The following FILIP1 variants were observed in gnomAD, a reference collection of about 807,000 sequenced individuals.
The protein encoded by FILIP1 is filamin A interacting protein 1.
FILIP1 carries 61 observed loss-of-function variants against 102.1 expected under a neutral mutation model. That is an observed-to-expected ratio of 0.60 (90% CI 0.49 to 0.74). The LOEUF (loss-of-function observed/expected upper bound fraction) is 0.74. FILIP1 is among the 30% of genes least tolerant of loss of function. FILIP1 has a pLI of 0.00. For missense variants in FILIP1, 1,314 were observed against 1,441.2 expected (o/e 0.91, Z 1.43); for synonymous variants, 491 against 526.9 (o/e 0.93, Z 0.93).
chr6:75,325,881 A>G (rs1015895296), intron 4 of FILIP1, among the ~76,000 whole-genome samples: 2 of 152,232 alleles, frequency 1.3e-5, no homozygotes, highest in Non-Finnish European at 2.9e-5. Flanking sequence ...TAGAACCACC[A>G]TTTGATCCAG....
chr6:75,414,213 A>T (rs1254605145), intron 2 of FILIP1, among the ~76,000 whole-genome samples: 1 of 151,796 alleles, frequency 6.6e-6, no homozygotes, highest in Non-Finnish European at 1.5e-5. Context: ...AGTTAAAAAA[A>T]GAGAGAAAAG....
chr6:75,349,604 CA>C (rs1774717481), intron 4 of FILIP1, among the ~76,000 whole-genome samples: 2 of 152,264 alleles, frequency 1.3e-5, no homozygotes, highest in South Asian at 4.1e-4. Flanking sequence ...GAGTGCAAAA[CA>C]AAAAGCATGT....
intron 1 of FILIP1, among the ~76,000 whole-genome samples, chr6:75,445,723 A>G (rs1189808636): frequency 6.6e-6 from 1 of 151,318 alleles, no homozygotes; most frequent in East Asian, 1.9e-4. Context: ...TCTATAGTCT[A>G]TATATTTGTA....
At chr6:75,362,653 G>T in intron 3 of FILIP1, 91 bp downstream of exon 3, 1 of 1,351,296 alleles carries the variant, frequency 7.4e-7, no homozygotes, top group Non-Finnish European at 1.0e-6. Context: ...TTTTGCCTTT[G>T]AAAGAAAATG....
At chr6:75,383,621 C>A (rs1329465807) in intron 2 of FILIP1, among the ~76,000 whole-genome samples, 1 of 152,168 alleles carries the variant, frequency 6.6e-6, no homozygotes, top group East Asian at 1.9e-4. Flanking sequence ...AAATTGTTTT[C>A]TCTGTAGATA....
chr6:75,308,795 T>A lies in FILIP1; in HGVS notation c.3538A>T (p.Asn1180Tyr), dbSNP rs756278620. 7.4e-6 allele frequency: 12 copies of A among 1,614,128 alleles called. No individual in the cohort carries two copies. Among genetic ancestry groups the A allele is most frequent in the Non-Finnish European group, 1.0e-5 (12 of 1,180,012 alleles). ...KPVVAAPGAGNLTKFEPRAET... is the reference protein window; with the variant it reads ...KPVVAAPGAGYLTKFEPRAET... ...GCTCGAGGCTCGAATTTGGTCAGAT[T>A]TCCTGCTCCTGGGGCTGCCACTACT... Residue 1180 changes from asparagine to tyrosine, a missense_variant, in exon 6 of 6, where the codon AAT (asparagine) becomes TAT (tyrosine). Physicochemically the swap from Asn to Tyr is moderately radical, Grantham distance 143. Around this residue, in one of 3 missense-constraint regions of FILIP1, gnomAD observed 816 missense variants for 913.1 expected, o/e 0.89. Transcript: ENST00000237172.
At chr6:75,397,946 T>G (rs1289862000) in intron 2 of FILIP1, 1 of 152,180 alleles carries the variant, frequency 6.6e-6, no homozygotes, top group Admixed American at 6.6e-5. Flanking sequence ...AGGCTCTTGA[T>G]GAAGAAATAT....
intron 3 of FILIP1, among the ~76,000 whole-genome samples, chr6:75,354,212 A>G (rs969306095): frequency 6.6e-6 from 1 of 152,202 alleles, no homozygotes; most frequent in Non-Finnish European, 1.5e-5. Flanking sequence ...AGCTGTACCC[A>G]TTTACGCTCC....
intron 1 of FILIP1, among the ~76,000 whole-genome samples, chr6:75,433,248 G>T (rs1472497118): frequency 2.6e-5 from 4 of 152,184 alleles, no homozygotes; most frequent in African/African-American, 4.8e-5. Context: ...TTGAGGAATT[G>T]CCACACTGTC....
chr6:75,464,731 C>T (rs928168872), intron 1 of FILIP1, among the ~76,000 whole-genome samples: 7 of 152,164 alleles, frequency 4.6e-5, no homozygotes, highest in African/African-American at 4.8e-5. Flanking sequence ...TCTACTTCTA[C>T]GTTTAATAAA....
chr6:75,461,472 G>C (rs370487158), intron 1 of FILIP1, among the ~76,000 whole-genome samples: 25 of 151,986 alleles, frequency 1.6e-4, no homozygotes, highest in Admixed American at 3.3e-4. Flanking sequence ...ATTTTTTTCA[G>C]TCAATGTAAT....
At chr6:75,445,931 C>T (rs1239965224) in intron 1 of FILIP1, among the ~76,000 whole-genome samples, 1 of 151,988 alleles carries the variant, frequency 6.6e-6, no homozygotes, top group Non-Finnish European at 1.5e-5. Context: ...CATTATTTTG[C>T]TGAGTCTTAC....
At chr6:75,370,901 C>T (rs140486606) in intron 2 of FILIP1, among the ~76,000 whole-genome samples, 24 of 151,900 alleles carry the variant, frequency 1.6e-4, no homozygotes, top group African/African-American at 5.6e-4. Context: ...TAAGTTTATT[C>T]CAAAAAGAAA....
chr6:75,438,948 A>G (rs1778113268), intron 1 of FILIP1, among the ~76,000 whole-genome samples: 1 of 152,218 alleles, frequency 6.6e-6, no homozygotes, highest in South Asian at 2.1e-4. Flanking sequence ...CGACTCCAAT[A>G]GGAAAAACTA....
At chr6:75,401,259 C>T (rs1417810486) in intron 2 of FILIP1, among the ~76,000 whole-genome samples, 2 of 152,184 alleles carry the variant, frequency 1.3e-5, no homozygotes, top group Non-Finnish European at 2.9e-5. Context: ...AGAACTATGT[C>T]TTCCTGAAAT....
intron 4 of FILIP1, 52 bp downstream of exon 4, chr6:75,353,487 A>G: frequency 6.3e-7 from 1 of 1,594,706 alleles, no homozygotes; most frequent in Non-Finnish European, 8.6e-7. Flanking sequence ...ACGGGCAGAC[A>G]TGAAAGGGCT....
At chr6:75,295,695 CAT>C (rs1772649244) in exon 7 of FILIP1, 1 of 370,542 alleles carries the variant, frequency 2.7e-6, no homozygotes, top group Non-Finnish European at 4.8e-6. Context: ...TCTTTTGGCA[CAT>C]AGATTGAATT....
chr6:75,375,738 C>A (rs760811618), intron 2 of FILIP1, among the ~76,000 whole-genome samples: 1 of 152,178 alleles, frequency 6.6e-6, no homozygotes, highest in African/African-American at 2.4e-5. Context: ...AGAATTTATA[C>A]GAGGTTTATT....
chr6:75,378,446 C>G (rs968017258), intron 2 of FILIP1, among the ~76,000 whole-genome samples: 2 of 152,160 alleles, frequency 1.3e-5, no homozygotes, highest in African/African-American at 4.8e-5. Flanking sequence ...ACATAGGCAA[C>G]ACAAATTTTT....
Sources: allele counts gnomAD v4.1 joint callset (sites outside exome capture counted in the v4.1 genomes callset), GRCh38; gene constraint gnomAD v4.1.1; regional missense constraint gnomAD v4.1.1; transcripts MANE v1.5; gene names NCBI Gene and HGNC (gene_info 2026-07-23, HGNC 2026-07-21).